UTRN: variants seen among roughly 807,000 people sequenced by gnomAD.
UTRN encodes the protein dystrophin-related protein 1.
In UTRN, 283 loss-of-function variants were observed where a neutral mutation model predicts 463.9. The observed-to-expected ratio is 0.61, with a 90% CI of 0.55 to 0.67. UTRN has a LOEUF of 0.67. Ranked by LOEUF, UTRN falls within the 30% of genes least tolerant of loss-of-function variation. The pLI is 0.00. For missense variants in UTRN, 3,922 were observed against 4,084.3 expected, an observed-to-expected ratio of 0.96 and a Z score of 1.08; for synonymous variants, 1,442 against 1,431.5, an observed-to-expected ratio of 1.01 and a Z score of -0.17.
At chr6:144,290,103 T>C (rs1804074097) in intron 1 of UTRN, among the ~76,000 whole-genome samples, 2 of 152,212 alleles carry the variant, frequency 1.3e-5, no homozygotes. Context: ...AAGTTGAAGA[T>C]ACCATCACAC....
At chr6:144,773,099 A>T (rs1160198182) in intron 59 of UTRN, among the ~76,000 whole-genome samples, 3 of 151,914 alleles carry the variant, frequency 2.0e-5, no homozygotes, top group Non-Finnish European at 4.4e-5. Context: ...TTTTCTTTTA[A>T]CTCTACTAAT....
chr6:144,789,305 CAGT>C, intron 62 of UTRN, 26 bp downstream of exon 62: 1 of 1,526,180 alleles, frequency 6.6e-7, no homozygotes, highest in Non-Finnish European at 9.0e-7. Context: ...CTTATACCAA[CAGT>C]GTTTTTAGTA....
chr6:144,743,602 G>T (rs1002143087), intron 54 of UTRN, among the ~76,000 whole-genome samples: 4 of 152,186 alleles, frequency 2.6e-5, no homozygotes, highest in African/African-American at 9.7e-5. Flanking sequence ...TGGCCTAGGG[G>T]CAATGGGCAA....
chr6:144,841,414 C>T (rs1781566135), intron 73 of UTRN, among the ~76,000 whole-genome samples: 1 of 152,152 alleles, frequency 6.6e-6, no homozygotes, highest in Non-Finnish European at 1.5e-5. Flanking sequence ...TCCATCTGAA[C>T]AACCAAGAGC....
chr6:144,347,837 G>GT lies in UTRN; in HGVS notation c.80-55274dup, dbSNP rs560581181. ...TCTCCTGAACTGTGGCTTATTCTTTGTTTTTTTTTTTTGTTTTTTTTTTTG... is the reference window on the plus strand; with the variant it reads ...TCTCCTGAACTGTGGCTTATTCTTTGTTTTTTTTTTTTTGTTTTTTTTTTTG... On this transcript the variant is annotated intron_variant, in intron 2 of 74. Coordinates refer to ENST00000367545, the MANE Select transcript of UTRN (RefSeq NM_007124.3). Among the ~76,000 whole-genome samples, 883 of 128,772 alleles carry GT rather than the reference G, an allele frequency of 6.9e-3. 24 individuals are homozygous for GT. The highest frequency in any genetic ancestry group is 0.016 in the African/African-American group (476 of 29,468). The allele number at this position is 128,772 out of a possible 152,430, so 84.5% of individuals were successfully genotyped here.
At chr6:144,803,331 T>A (rs554398346) in intron 65 of UTRN, among the ~76,000 whole-genome samples, 184 bp downstream of exon 65, 12 of 152,126 alleles carry the variant, frequency 7.9e-5, no homozygotes, top group South Asian at 2.1e-4. Flanking sequence ...TTAACTTTTT[T>A]AAATATCTGT....
chr6:144,813,199 A>ATTTT (rs567307806), intron 65 of UTRN, among the ~76,000 whole-genome samples: 2 of 150,756 alleles, frequency 1.3e-5, no homozygotes, highest in African/African-American at 4.9e-5. Context: ...TTATTTATTT[A>ATTTT]TTTTTTTGAA....
intron 3 of UTRN, among the ~76,000 whole-genome samples, chr6:144,421,558 G>T (rs943754160): frequency 1.3e-5 from 2 of 151,610 alleles, no homozygotes; most frequent in Non-Finnish European, 2.9e-5. Flanking sequence ...GCGTGGTGGC[G>T]GGCGCCTGTA....
At chr6:144,531,622 C>T (rs888998239) in intron 42 of UTRN, among the ~76,000 whole-genome samples, 7 of 151,998 alleles carry the variant, frequency 4.6e-5, no homozygotes, top group East Asian at 3.9e-4. Context: ...TATTCTGGAG[C>T]GACAGCAGGG....
chr6:144,462,544 A>G (rs1485372098), intron 22 of UTRN, 110 bp from the exon 23 acceptor site: 3 of 999,478 alleles, frequency 3.0e-6, no homozygotes, highest in Non-Finnish European at 4.4e-6. Flanking sequence ...TTAGATAAAA[A>G]TGCTTTCTAA....
intron 2 of UTRN, among the ~76,000 whole-genome samples, chr6:144,391,176 A>G (rs1562332830): frequency 6.6e-6 from 1 of 152,118 alleles, no homozygotes; most frequent in East Asian, 1.9e-4. Flanking sequence ...GGCTCAAGCA[A>G]TCCTTCCACC....
intron 34 of UTRN, among the ~76,000 whole-genome samples, chr6:144,504,913 A>T (rs767584743): frequency 8.5e-5 from 13 of 152,136 alleles, no homozygotes; most frequent in Admixed American, 1.3e-4. Flanking sequence ...TTGGTAGGCT[A>T]TTAATTATTG....
chr6:144,824,610 A>ATATATATATATC (rs1562955112), intron 66 of UTRN, among the ~76,000 whole-genome samples: 4 of 43,614 alleles, frequency 9.2e-5, no homozygotes, highest in Non-Finnish European at 7.4e-5. Context: ...ATATATATAT[A>ATATATATATATC]TATCTTTTTT....
At chr6:144,614,380 C>T (rs1276257516) in intron 51 of UTRN, among the ~76,000 whole-genome samples, 4 of 151,986 alleles carry the variant, frequency 2.6e-5, no homozygotes, top group Admixed American at 1.3e-4. Context: ...ATACAGGAGT[C>T]CCAGGACCTT....
At chr6:144,568,016 A>G (rs1328144731) in intron 50 of UTRN, among the ~76,000 whole-genome samples, 4 of 152,202 alleles carry the variant, frequency 2.6e-5, no homozygotes, top group African/African-American at 9.6e-5. Context: ...GTGTTACAAA[A>G]TGATTATAGG....
intron 53 of UTRN, among the ~76,000 whole-genome samples, chr6:144,723,326 G>A (rs1411415603): frequency 1.3e-5 from 2 of 152,158 alleles, no homozygotes; most frequent in Non-Finnish European, 2.9e-5. Context: ...AGTTTAAGAT[G>A]AACAGATTGG....
intron 23 of UTRN, among the ~76,000 whole-genome samples, chr6:144,468,940 A>G (rs1052659975): frequency 6.6e-6 from 1 of 152,176 alleles, no homozygotes; most frequent in African/African-American, 2.4e-5. Flanking sequence ...CTTCACCCAT[A>G]CAGGTACAGG....
chr6:144,481,067 G>A (rs183237343), intron 26 of UTRN, among the ~76,000 whole-genome samples: 1 of 152,134 alleles, frequency 6.6e-6, no homozygotes, highest in Admixed American at 6.5e-5. Flanking sequence ...TAGTTCTGTG[G>A]ATTTTAAAAG....
At position 144,554,815 on chromosome 6, in the gene UTRN, G is replaced by T; in HGVS notation, c.7056G>T (p.Met2352Ile). Residue 2352 changes from methionine (M) to isoleucine (I), a missense_variant, in exon 49 of 75, where the codon ATG (methionine) becomes ATT (isoleucine). Physicochemically the swap from Met to Ile is conservative, Grantham distance 10. Coordinates refer to ENST00000367545, the MANE Select transcript of UTRN (RefSeq NM_007124.3). ...ATAGGGAGGAGACTGAAGAACTGAT[G>T]AGAAAATATGAGGCTCGACTCTATA... is the stretch of plus-strand genomic sequence containing the variant. The part of the protein sequence containing the change: ...DDHREETEEL[M>I]RKYEARLYIL... The T allele has an allele frequency of 1.2e-6, 2 of 1,614,030 alleles. No individual in the cohort carries two copies. Among genetic ancestry groups the T allele is most frequent in the Non-Finnish European group, 1.7e-6 (2 of 1,179,978 alleles).
Sources: gnomAD v4.1 joint callset for allele counts (sites outside exome capture counted in the v4.1 genomes callset) on GRCh38, gnomAD v4.1.1 for gene constraint, MANE v1.5 for transcripts, NCBI Gene and HGNC (gene_info 2026-07-23, HGNC 2026-07-21) for gene names.